Variants in ADGB observed in about 807,000 individuals in gnomAD.
ADGB encodes androglobin, also known as calpain-7-like protein.
A neutral mutation model predicts 210.5 loss-of-function variants in ADGB; 172 were observed. That is an observed-to-expected ratio of 0.82 (90% CI 0.72 to 0.93). The LOEUF (loss-of-function observed/expected upper bound fraction) is 0.93, where lower values mean the gene tolerates loss of function less well. Among genes scored for constraint, ADGB ranks in the 40% least tolerant of loss-of-function variants. The pLI is 0.00. For synonymous variants in ADGB, 658 were observed against 662.7 expected, an observed-to-expected ratio of 0.99 and a Z score of 0.11; for missense variants, 2,025 against 1,964.8, an observed-to-expected ratio of 1.03 and a Z score of -0.58.
intron 20 of ADGB, among the ~76,000 whole-genome samples, chr6:146,731,966 C>T (rs567534959): frequency 6.6e-6 from 1 of 152,254 alleles, no homozygotes; most frequent in East Asian, 1.9e-4. Context: ...TGTGTTTTAA[C>T]TATGCAGATA....
intron 35 of ADGB, among the ~76,000 whole-genome samples, chr6:146,811,825 C>G (rs750758086): frequency 2.0e-5 from 3 of 152,012 alleles, no homozygotes; most frequent in Non-Finnish European, 4.4e-5. Context: ...GTGTGTGCCA[C>G]CACGCCTGGC....
chr6:146,708,792 A>G (rs1305053403), intron 13 of ADGB, among the ~76,000 whole-genome samples: 2 of 152,070 alleles, frequency 1.3e-5, no homozygotes, highest in Non-Finnish European at 2.9e-5. Flanking sequence ...TTCTTTAAGT[A>G]AGTTTCTACT....
intron 32 of ADGB, 99 bp downstream of exon 32, chr6:146,785,811 C>T (rs1777864636): frequency 6.9e-6 from 6 of 863,868 alleles, no homozygotes; most frequent in Middle Eastern, 2.3e-4. Context: ...GAAAAGGAGA[C>T]ATTTCAGAAT....
At chr6:146,788,735 T>TA (rs1777915979) in intron 33 of ADGB, 125 bp downstream of exon 33, 1 of 903,358 alleles carries the variant, frequency 1.1e-6, no homozygotes. Flanking sequence ...TTCCGATATA[T>TA]AGATTTTCAT....
intron 16 of ADGB, among the ~76,000 whole-genome samples, chr6:146,720,773 C>A (rs1776800660): frequency 2.6e-5 from 4 of 152,188 alleles, no homozygotes; most frequent in African/African-American, 9.6e-5. Context: ...TTCAAACAAC[C>A]AGATCTCCTG....
In ADGB at chr6:146,801,868, A is replaced by T. The variant is rs372817032; in HGVS notation, c.4675A>T (p.Asn1559Tyr). 15 of 1,550,330 alleles carry T rather than the reference A, an allele frequency of 9.7e-6. No homozygotes were observed. The African/African-American group carries it at 2.1e-4, about 21-fold the overall frequency. Residue 1559 changes from asparagine to tyrosine, a missense_variant, in exon 35 of 36, where the codon AAT (asparagine) becomes TAT (tyrosine). Physicochemically the swap from Asn to Tyr is moderately radical, Grantham distance 143. Transcript: ENST00000397944. The part of the protein sequence containing the change: ...TDPLLQTDEL[N>Y]QQQAMQKAEE... ...TCCTCTGCTGCAAACAGATGAATTG[A>T]ATCAGCAGCAGGCAATGCAAAAGGC...
At chr6:146,739,307 T>C (rs1777128734) in intron 23 of ADGB, among the ~76,000 whole-genome samples, 1 of 152,158 alleles carries the variant, frequency 6.6e-6, no homozygotes, top group Admixed American at 6.5e-5. Flanking sequence ...AGAATTATCA[T>C]ACCATTGATC....
intron 25 of ADGB, among the ~76,000 whole-genome samples, chr6:146,744,797 T>A (rs1164188502): frequency 6.6e-6 from 1 of 152,194 alleles, no homozygotes; most frequent in Non-Finnish European, 1.5e-5. Context: ...CTATCACTGA[T>A]TTAGCTTTGG....
intron 2 of ADGB, among the ~76,000 whole-genome samples, chr6:146,640,001 A>G (rs374977147): frequency 1.3e-5 from 2 of 152,058 alleles, no homozygotes; most frequent in Admixed American, 6.6e-5. Context: ...AATTAATAAA[A>G]TAGGCCACTA....
At chr6:146,627,991 G>T (rs905414330) in intron 1 of ADGB, among the ~76,000 whole-genome samples, 3 of 152,014 alleles carry the variant, frequency 2.0e-5, no homozygotes, top group Non-Finnish European at 4.4e-5. Context: ...CATGTATTTT[G>T]TCCAGATTTT....
intron 28 of ADGB, 59 bp from the exon 29 acceptor site, chr6:146,768,961 C>T: frequency 1.1e-6 from 1 of 875,478 alleles, no homozygotes; most frequent in Non-Finnish European, 1.7e-6. Flanking sequence ...TAATAAATGA[C>T]ATTAGGCACA....
intron 1 of ADGB, among the ~76,000 whole-genome samples, chr6:146,604,622 T>C (rs949936779): frequency 2.6e-5 from 4 of 152,186 alleles, no homozygotes; most frequent in Non-Finnish European, 4.4e-5. Context: ...GATAGCTTAT[T>C]CTTTATGCTT....
At chr6:146,802,640 GGATTTCATTAGT>G in intron 35 of ADGB, 1 of 682,116 alleles carries the variant, frequency 1.5e-6, no homozygotes, top group South Asian at 2.1e-5. Context: ...CAGATTGTTG[GGATTTCATTAGT>G]GGTTTCATTA....
At chr6:146,809,808 T>A (rs1281566652) in intron 35 of ADGB, among the ~76,000 whole-genome samples, 1 of 152,058 alleles carries the variant, frequency 6.6e-6, no homozygotes, top group Non-Finnish European at 1.5e-5. Flanking sequence ...TACAAAAAAA[T>A]TAAATAGATT....
At chr6:146,630,867 T>C (rs1289331933) in intron 1 of ADGB, among the ~76,000 whole-genome samples, 5 of 152,174 alleles carry the variant, frequency 3.3e-5, no homozygotes, top group African/African-American at 1.2e-4. Flanking sequence ...GACTTGCTTT[T>C]ACATTATCTA....
intron 29 of ADGB, among the ~76,000 whole-genome samples, chr6:146,772,652 C>T (rs1777667586): frequency 6.8e-6 from 1 of 146,280 alleles, no homozygotes; most frequent in Admixed American, 6.9e-5. Context: ...AATATATTTG[C>T]CTAAATTTAT....
At chr6:146,702,813 A>G (rs1776509969) in intron 13 of ADGB, among the ~76,000 whole-genome samples, 1 of 151,914 alleles carries the variant, frequency 6.6e-6, no homozygotes, top group South Asian at 2.1e-4. Context: ...TACTACTGCT[A>G]TGAATGAATT....
chr6:146,715,099 T>G (rs530174740), intron 13 of ADGB, among the ~76,000 whole-genome samples: 1 of 152,226 alleles, frequency 6.6e-6, no homozygotes, highest in Non-Finnish European at 1.5e-5. Flanking sequence ...GGGATATTAC[T>G]GTTTTAATTT....
chr6:146,622,353 AT>A (rs1424900866), intron 1 of ADGB, among the ~76,000 whole-genome samples: 1 of 152,098 alleles, frequency 6.6e-6, no homozygotes, highest in African/African-American at 2.4e-5. Context: ...TTACCTGGAG[AT>A]TCTGGAAAGA....
Sources: gnomAD v4.1 joint callset for allele counts (sites outside exome capture counted in the v4.1 genomes callset) on GRCh38, gnomAD v4.1.1 for gene constraint, MANE v1.5 for transcripts, NCBI Gene and HGNC (gene_info 2026-07-23, HGNC 2026-07-21) for gene names.